Variants in EFEMP1 observed in about 807,000 individuals in gnomAD.
EFEMP1 encodes the protein EGF-like fibulin extracellular matrix protein 1.
A neutral mutation model predicts 65.7 loss-of-function variants in EFEMP1; 18 were observed. The observed-to-expected ratio is 0.27, with a 90% confidence interval of 0.19 to 0.41. The LOEUF is 0.41. EFEMP1 is among the 10% of genes least tolerant of loss of function. The pLI is 1.00. For synonymous variants in EFEMP1, 237 were observed against 219.7 expected, an observed-to-expected ratio of 1.08 and a Z score of -0.70; for missense variants, 469 against 624.8, an observed-to-expected ratio of 0.75 and a Z score of 2.66.
intron 11 of EFEMP1, among the ~76,000 whole-genome samples, chr2:55,868,780 T>C (rs1324357704): frequency 1.3e-5 from 2 of 152,158 alleles, no homozygotes; most frequent in Non-Finnish European, 2.9e-5. Flanking sequence ...TTACATGTCC[T>C]TTTAATTCCT....
rs1022935762 is a variant in EFEMP1 at position 55,922,559 on chromosome 2, A to G, written c.-7-112T>C. 1.3e-5 allele frequency: 12 copies of G among 945,142 alleles called. No individual in the cohort carries two copies. In the African/African-American group the frequency reaches 1.9e-4, roughly 15 times the overall value. The allele number at this position is 945,142 out of a possible 1,614,324, so 58.5% of individuals were successfully genotyped here. On this transcript the variant is annotated intron_variant, in intron 2 of 11. Transcript: ENST00000355426. The surrounding 1 kb of genome is among the most constrained non-coding windows in gnomAD (Gnocchi z 5.5). ...GGAGGGTGGGAGAGGCTGAGGCTCC[A>G]CCATACTCAACTTCCAATCTGCTTT...
chr2:55,907,302 C>T (rs1190999799), intron 5 of EFEMP1, among the ~76,000 whole-genome samples: 1 of 152,168 alleles, frequency 6.6e-6, no homozygotes, highest in Non-Finnish European at 1.5e-5. Context: ...TGTATGTGTG[C>T]ACATGTGTGG....
chr2:55,914,818 G>A (rs75301338), intron 5 of EFEMP1, among the ~76,000 whole-genome samples: 1,743 of 152,070 alleles, frequency 0.011, 12 homozygotes, highest in Middle Eastern at 0.037. Flanking sequence ...TAAAACAGAA[G>A]ACTCTTCAAA....
intron 5 of EFEMP1, among the ~76,000 whole-genome samples, chr2:55,893,772 T>A (rs1255564049): frequency 6.6e-6 from 1 of 152,218 alleles, no homozygotes; most frequent in Non-Finnish European, 1.5e-5. Context: ...GGGTTTTTAA[T>A]GTAATTTTCT....
chr2:55,869,770 C>T (rs1286387445), intron 11 of EFEMP1, among the ~76,000 whole-genome samples: 1 of 152,162 alleles, frequency 6.6e-6, no homozygotes, highest in Non-Finnish European at 1.5e-5. Flanking sequence ...ACATCATTAG[C>T]ATGAAACAGT....
At chr2:55,894,047 CATA>C (rs1669726480) in intron 5 of EFEMP1, among the ~76,000 whole-genome samples, 2 of 152,124 alleles carry the variant, frequency 1.3e-5, no homozygotes, top group Admixed American at 1.3e-4. Flanking sequence ...TTCTGCATTT[CATA>C]ATATTTGATT....
rs145576485 is a variant in EFEMP1, at chr2:55,914,712, G to A, written c.517+2953C>T. On this transcript the variant is annotated intron_variant, in intron 5 of 11. Transcript: ENST00000355426. ...ATTTTTATGCAAATAAGACTCATCT[G>A]TAAGATTCATTTATTCTATCCAGTA... Among the ~76,000 whole-genome samples the A allele has an allele frequency of 3.3e-5, 5 of 152,300 alleles. 1 individual carries two copies. Among genetic ancestry groups the A allele is most frequent in the African/African-American group, 1.2e-4 (5 of 41,568 alleles).
intron 5 of EFEMP1, among the ~76,000 whole-genome samples, chr2:55,909,958 A>C (rs1420341895): frequency 6.6e-6 from 1 of 152,204 alleles, no homozygotes; most frequent in Non-Finnish European, 1.5e-5. Context: ...ACTGAACTCT[A>C]ATGGAATGGT....
At position 55,922,048 on chromosome 2, in the gene EFEMP1, C is replaced by T. The variant is rs1670923681; in HGVS notation, c.81+312G>A. 1 of 370,582 alleles carries T rather than the reference C, an allele frequency of 2.7e-6. No individual in the cohort carries two copies. The highest frequency in any genetic ancestry group is 2.1e-5 in the African/African-American group (1 of 47,390). The allele number at this position is 370,582 out of a possible 1,614,324, so 23.0% of individuals were successfully genotyped here. On this transcript the variant is annotated intron_variant, in intron 3 of 11. Coordinates refer to ENST00000355426, the MANE Select transcript of EFEMP1 (RefSeq NM_001039348.3). The surrounding 1 kb of genome is among the most constrained non-coding windows in gnomAD (Gnocchi z 5.5). Reference sequence around the variant, plus strand: ...AGTCCAGGTTTTCCAGTTCCTTACACCCATTAATTTGTTGAATGTTTTGGA... The same window carrying T: ...AGTCCAGGTTTTCCAGTTCCTTACATCCATTAATTTGTTGAATGTTTTGGA...
intron 6 of EFEMP1, among the ~76,000 whole-genome samples, 157 bp from the exon 7 acceptor site, chr2:55,878,022 T>C (rs1016865369): frequency 6.6e-6 from 1 of 152,220 alleles, no homozygotes; most frequent in African/African-American, 2.4e-5. Flanking sequence ...AAATATACTT[T>C]GTATTCTGAG....
Position 55,877,118 on chromosome 2 carries a change from A to T in EFEMP1, c.761-376T>A, listed in dbSNP as rs7573238. Among the ~76,000 whole-genome samples, 25,602 of 152,118 alleles carry T rather than the reference A, an allele frequency of 0.17. 2,576 individuals are homozygous for T. Among genetic ancestry groups the T allele is most frequent in the South Asian group, 0.31 (1,473 of 4,816 alleles). On this transcript the variant is annotated intron_variant, in intron 7 of 11. Coordinates refer to ENST00000355426, the MANE Select transcript of EFEMP1 (RefSeq NM_001039348.3). The surrounding 1 kb of genome is among the most constrained non-coding windows in gnomAD (Gnocchi z 4.5). ...AAAATGCCAATTCTATAAATAATTG[A>T]TATAAGACACTTATACTGATATGGT...
intron 8 of EFEMP1, 92 bp downstream of exon 8, chr2:55,876,531 C>T (rs911195471): frequency 8.2e-5 from 126 of 1,539,534 alleles, no homozygotes; most frequent in Non-Finnish European, 1.0e-4. Context: ...CATGGGTAAG[C>T]GTTTGTTTTC....
chr2:55,874,824 G>C, intron 9 of EFEMP1, 122 bp downstream of exon 9: 1 of 1,061,486 alleles, frequency 9.4e-7, no homozygotes, highest in South Asian at 1.8e-5. Flanking sequence ...GGGGAAAAAA[G>C]AGCTTAAATT....
At chr2:55,899,862 T>C (rs1341480945) in intron 5 of EFEMP1, among the ~76,000 whole-genome samples, 1 of 152,190 alleles carries the variant, frequency 6.6e-6, no homozygotes, top group African/African-American at 2.4e-5. Context: ...GAATAAGTCT[T>C]ATTCAGAGAG....
At chr2:55,913,139 C>T (rs927255941) in intron 5 of EFEMP1, among the ~76,000 whole-genome samples, 4 of 152,118 alleles carry the variant, frequency 2.6e-5, no homozygotes, top group South Asian at 4.2e-4. Context: ...ATGGCTCTAA[C>T]GTTAGGACTT....
At chr2:55,892,357 C>T (rs1413501135) in intron 5 of EFEMP1, among the ~76,000 whole-genome samples, 1 of 152,100 alleles carries the variant, frequency 6.6e-6, no homozygotes, top group East Asian at 1.9e-4. Flanking sequence ...CTAATCTCTT[C>T]TCCCCTCTCT....
Position 55,875,047 on chromosome 2 carries a change from G to A in EFEMP1, c.899C>T (p.Thr300Ile). The A allele has an allele frequency of 6.2e-7, 1 of 1,603,670 alleles. No homozygotes were observed. Among genetic ancestry groups the A allele is most frequent in the Non-Finnish European group, 8.5e-7 (1 of 1,174,106 alleles). Residue 300 changes from threonine (T) to isoleucine (I), a missense_variant, in exon 9 of 12, where the codon ACC (threonine) becomes ATC (isoleucine). Physicochemically the swap from Thr to Ile is moderately conservative, Grantham distance 89. Around this residue, in one of 3 missense-constraint regions of EFEMP1, gnomAD observed 399 missense variants for 528.2 expected, o/e 0.76. Transcript: ENST00000355426. ...TTGATATTGACACAGGTAGCTTGAGGTTCTGCATTCATCAATGTCTGTTGA... is the reference window on the plus strand; with the variant it reads ...TTGATATTGACACAGGTAGCTTGAGATTCTGCATTCATCAATGTCTGTTGA... The part of the protein sequence containing the change: ...LNCEDIDECR[T>I]SSYLCQYQCV...
chr2:55,875,547 T>A (rs1163110467), intron 8 of EFEMP1, among the ~76,000 whole-genome samples: 1 of 152,106 alleles, frequency 6.6e-6, no homozygotes, highest in Admixed American at 6.6e-5. Flanking sequence ...ACAAAAAGTT[T>A]TTCTTATCAT....
In EFEMP1 at chr2:55,923,616, C is replaced by T; in HGVS notation, c.-49+95G>A. 1.0e-6 allele frequency: 1 copy of T among 985,632 alleles called. No individual in the cohort carries two copies. 61.1% of individuals were successfully genotyped at this position (985,632 alleles called of 1,614,324 possible). On this transcript the variant is annotated intron_variant, in intron 1 of 11. Coordinates refer to ENST00000355426, the MANE Select transcript of EFEMP1 (RefSeq NM_001039348.3). This position sits in a 1 kb window ranked among gnomAD's most constrained non-coding sequence, Gnocchi z 5.3. ...CACAGTCCAGGGCAGTTCTCGGGTA[C>T]TCAACACCCCTCAGCTCACCCCACC...
Sources: allele counts gnomAD v4.1 joint callset (sites outside exome capture counted in the v4.1 genomes callset), GRCh38; gene constraint gnomAD v4.1.1; regional missense constraint gnomAD v4.1.1; non-coding constraint Gnocchi (gnomAD v3.1); transcripts MANE v1.5; gene names NCBI Gene and HGNC (gene_info 2026-07-23, HGNC 2026-07-21).